The following TMEM132B variants were observed in gnomAD, a reference collection of about 807,000 sequenced individuals.
TMEM132B encodes transmembrane protein 132B.
TMEM132B carries 18 observed loss-of-function variants against 90.8 expected under a neutral mutation model. The ratio of observed to expected loss-of-function variants is 0.20; its 90% CI spans 0.14 to 0.29. The LOEUF (loss-of-function observed/expected upper bound fraction) is 0.29, where lower values mean the gene tolerates loss of function less well. Among genes scored for constraint, TMEM132B ranks in the 10% least tolerant of loss-of-function variants. TMEM132B has a pLI of 1.00. For synonymous variants in TMEM132B, 504 were observed against 523.3 expected, an observed-to-expected ratio of 0.96 and a Z score of 0.50; for missense variants, 1,096 against 1,326.8, an observed-to-expected ratio of 0.83 and a Z score of 2.70.
At chr12:125,188,356 G>A (rs941661771) in intron 1 of TMEM132B, among the ~76,000 whole-genome samples, 2 of 152,198 alleles carry the variant, frequency 1.3e-5, no homozygotes, top group Non-Finnish European at 2.9e-5. Flanking sequence ...CTTAGCTGAA[G>A]CCCTGGGACC....
At chr12:125,422,766 T>C (rs440964) in intron 3 of TMEM132B, among the ~76,000 whole-genome samples, 5,073 of 152,154 alleles carry the variant, frequency 0.033, 288 homozygotes, top group African/African-American at 0.11. Flanking sequence ...CCAAGGAACG[T>C]CTGGAGCCAC....
intron 5 of TMEM132B, among the ~76,000 whole-genome samples, chr12:125,600,888 T>C (rs1432405383): frequency 1.3e-5 from 2 of 152,028 alleles, no homozygotes; most frequent in Admixed American, 1.3e-4. Context: ...TACATCATGG[T>C]AAAGGGATCA....
chr12:125,624,709 T>C (rs1327711379), intron 5 of TMEM132B, among the ~76,000 whole-genome samples: 3 of 152,352 alleles, frequency 2.0e-5, no homozygotes, highest in African/African-American at 7.2e-5. Context: ...TGCGTTTGTG[T>C]TCACGATCTT....
At chr12:125,402,489 T>C (rs944668633) in intron 2 of TMEM132B, among the ~76,000 whole-genome samples, 2 of 152,228 alleles carry the variant, frequency 1.3e-5, no homozygotes, top group Non-Finnish European at 1.5e-5. Flanking sequence ...TAAATATATC[T>C]TGAAGGGTGA....
chr12:125,650,142 C>T (rs1255737338), intron 6 of TMEM132B, among the ~76,000 whole-genome samples: 4 of 152,044 alleles, frequency 2.6e-5, no homozygotes, highest in Admixed American at 2.6e-4. Flanking sequence ...CTGATGGTTC[C>T]TGGTTGGTCT....
At chr12:125,243,726 A>C (rs1431338012) in intron 1 of TMEM132B, among the ~76,000 whole-genome samples, 1 of 152,152 alleles carries the variant, frequency 6.6e-6, no homozygotes, top group African/African-American at 2.4e-5. Flanking sequence ...CTTCCGTCAT[A>C]GTCCCCAATG....
chr12:125,591,425 T>A lies in TMEM132B; in HGVS notation c.1437+7431T>A, dbSNP rs145530403. Among the ~76,000 whole-genome samples the A allele has an allele frequency of 2.2e-3, 342 of 152,290 alleles. 2 individuals carry two copies. The highest frequency in any genetic ancestry group is 7.5e-3 in the Admixed American group (114 of 15,300). ...CTTCCCCACATGGCTAATTCCATCA[T>A]CACATCGCCTTCTCTGACTCTGACC... On this transcript the variant is annotated intron_variant, in intron 5 of 8. Transcript: ENST00000682704.
rs190065717 is a variant in TMEM132B, at chr12:125,482,058, A to G, written c.1107-37381A>G. Among the ~76,000 whole-genome samples the G allele has an allele frequency of 5.4e-3, 819 of 152,346 alleles. 14 individuals carry two copies. The highest frequency in any genetic ancestry group is 0.018 in the African/African-American group (762 of 41,582). On this transcript the variant is annotated intron_variant, in intron 3 of 8. Transcript: ENST00000682704. The stretch of plus-strand genomic sequence containing the variant: ...GAAAACTGGCTAGCCATATGTAGAA[A>G]GCTGAAACTGGATCCCTTCCTTACA...
At chr12:125,190,911 ATGGGGAAGGGG>A (rs1383031007) in intron 1 of TMEM132B, among the ~76,000 whole-genome samples, 3 of 38,916 alleles carry the variant, frequency 7.7e-5, no homozygotes, top group Non-Finnish European at 4.7e-5. Flanking sequence ...GGTGGTGGTG[ATGGGGAAGGGG>A]TGGTGATGGT....
intron 3 of TMEM132B, among the ~76,000 whole-genome samples, chr12:125,481,718 C>A (rs914074978): frequency 5.9e-5 from 9 of 152,132 alleles, no homozygotes; most frequent in Non-Finnish European, 1.3e-4. Context: ...CATCAAGCTA[C>A]CAATGACTTT....
Position 125,656,956 on chromosome 12 carries a change from G to C in TMEM132B, c.*2246G>C, listed in dbSNP as rs1225133998. On this transcript the variant is annotated 3_prime_UTR_variant, in exon 9 of 9. Transcript: ENST00000682704. ...AGGGTCCTGCCCACTGGTAAAGTGA[G>C]ACGTTGGGTAGGGGGTGTAACTGGG... 6.6e-6 allele frequency: 1 copy of C among 152,248 alleles called. No individual in the cohort carries two copies. Among genetic ancestry groups the C allele is most frequent in the Non-Finnish European group, 1.5e-5 (1 of 68,056 alleles). 9.4% of individuals were successfully genotyped at this position (152,248 alleles called of 1,614,324 possible).
At chr12:125,216,980 G>A (rs1048725356) in intron 1 of TMEM132B, among the ~76,000 whole-genome samples, 4 of 152,224 alleles carry the variant, frequency 2.6e-5, no homozygotes, top group African/African-American at 4.8e-5. Context: ...TGAGCCACTC[G>A]GCCGCGCAGA....
intron 1 of TMEM132B, among the ~76,000 whole-genome samples, chr12:125,232,217 C>T (rs1873844564): frequency 6.6e-6 from 1 of 152,082 alleles, no homozygotes; most frequent in Non-Finnish European, 1.5e-5. Flanking sequence ...ATAAACAATG[C>T]TGATGTGAAC....
intron 2 of TMEM132B, among the ~76,000 whole-genome samples, chr12:125,405,315 C>T (rs1879437088): frequency 6.6e-6 from 1 of 152,144 alleles, no homozygotes; most frequent in African/African-American, 2.4e-5. Context: ...TCTCAGGTTC[C>T]CTGTCTGTCT....
chr12:125,652,853 G>A lies in TMEM132B; in HGVS notation c.2106+221G>A, dbSNP rs141662358. Reference sequence around the variant, plus strand: ...TTCCACGCTGACCACATCCTTATACGCCATTTGCTTTCCCCTGGGCTTATC... The same window carrying A: ...TTCCACGCTGACCACATCCTTATACACCATTTGCTTTCCCCTGGGCTTATC... On this transcript the variant is annotated intron_variant, in intron 8 of 8. Transcript: ENST00000682704. Among the ~76,000 whole-genome samples the A allele has an allele frequency of 2.0e-4, 31 of 152,266 alleles. No individual in the cohort carries two copies. The East Asian group carries it at 4.6e-3, about 23-fold the overall frequency.
At chr12:125,401,941 A>C (rs1879333152) in intron 2 of TMEM132B, among the ~76,000 whole-genome samples, 1 of 152,212 alleles carries the variant, frequency 6.6e-6, no homozygotes, top group Non-Finnish European at 1.5e-5. Flanking sequence ...TTGAACAAAG[A>C]ATGCATGTTG....
intron 3 of TMEM132B, among the ~76,000 whole-genome samples, chr12:125,457,052 C>G (rs549240273): frequency 6.6e-6 from 1 of 152,118 alleles, no homozygotes; most frequent in African/African-American, 2.4e-5. Flanking sequence ...CCTGAGTGGG[C>G]TCTGCTGCCT....
rs140529037 is a variant in TMEM132B, at chr12:125,427,250, C to T, written c.1106+11573C>T. On this transcript the variant is annotated intron_variant, in intron 3 of 8. Coordinates refer to ENST00000682704, the MANE Select transcript of TMEM132B (RefSeq NM_001366854.1). ...CTTTTCAGGATTCATTGGAAGCAGA[C>T]CTTCCTGATGCAACATTTATTGGGC... Among the ~76,000 whole-genome samples the T allele has an allele frequency of 1.9e-3, 282 of 152,258 alleles. 1 individual carries two copies. In the Middle Eastern group the frequency reaches 0.024, roughly 13 times the overall value.
chr12:125,622,444 G>A (rs1466946670), intron 5 of TMEM132B: 1 of 985,170 alleles, frequency 1.0e-6, no homozygotes, highest in Non-Finnish European at 1.2e-6. Flanking sequence ...CACAGAAGTA[G>A]AACTTTCATA....
Sources: gnomAD v4.1 joint callset for allele counts (sites outside exome capture counted in the v4.1 genomes callset) on GRCh38, gnomAD v4.1.1 for gene constraint, MANE v1.5 for transcripts, NCBI Gene and HGNC (gene_info 2026-07-23, HGNC 2026-07-21) for gene names.